Variants in PLXNA4 observed in about 807,000 individuals in gnomAD.
The protein encoded by PLXNA4 is plexin A4, also known as plexin-A4.
Under a neutral mutation model 191.8 loss-of-function variants are expected in PLXNA4, and 44 were observed. That is an observed-to-expected ratio of 0.23 (90% CI 0.18 to 0.29). The LOEUF (loss-of-function observed/expected upper bound fraction) is 0.29. Among genes scored for constraint, PLXNA4 ranks in the 10% least tolerant of loss-of-function variants. The pLI is 1.00. For synonymous variants in PLXNA4, 1,082 were observed against 1,009.5 expected (o/e 1.07, Z -1.36); for missense variants, 1,800 against 2,488.8 (o/e 0.72, Z 5.89).
chr7:132,273,727 T>C (rs572532952), intron 4 of PLXNA4, among the ~76,000 whole-genome samples: 38 of 152,168 alleles, frequency 2.5e-4, no homozygotes, highest in African/African-American at 8.4e-4. Flanking sequence ...ATTTATAAAA[T>C]GGAGAGAACT....
intron 1 of PLXNA4, among the ~76,000 whole-genome samples, chr7:132,562,662 CTCT>C (rs1450406668): frequency 9.0e-6 from 1 of 111,662 alleles, no homozygotes. Flanking sequence ...CCTCCTCCTT[CTCT>C]TCCTCCTCCT....
At chr7:132,511,374 A>T (rs1019198962) in intron 1 of PLXNA4, among the ~76,000 whole-genome samples, 1 of 152,236 alleles carries the variant, frequency 6.6e-6, no homozygotes, top group African/African-American at 2.4e-5. Context: ...GGTTTCAATC[A>T]ATGCAAAATC....
At chr7:132,325,774 G>C (rs1188341378) in intron 3 of PLXNA4, among the ~76,000 whole-genome samples, 3 of 152,182 alleles carry the variant, frequency 2.0e-5, no homozygotes, top group African/African-American at 7.2e-5. Flanking sequence ...CCAGTTTACA[G>C]TGTTTTATTA....
At chr7:132,376,819 G>C (rs1178458879) in intron 3 of PLXNA4, among the ~76,000 whole-genome samples, 1 of 152,166 alleles carries the variant, frequency 6.6e-6, no homozygotes, top group East Asian at 1.9e-4. Context: ...ACTCCTGCCT[G>C]GCCCCACCTG....
chr7:132,576,483 T>G (rs1802244426), upstream of PLXNA4: 3 of 984,886 alleles, frequency 3.0e-6, no homozygotes, highest in Admixed American at 6.2e-5. The surrounding 1 kb of genome is among the most constrained non-coding windows in gnomAD (Gnocchi z 5.8). Flanking sequence ...AGATGGAGCC[T>G]ATGCCGCTGC....
intron 1 of PLXNA4, among the ~76,000 whole-genome samples, chr7:132,647,700 AACACAC>A (rs201569436): frequency 6.6e-6 from 1 of 151,460 alleles, no homozygotes; most frequent in African/African-American, 2.4e-5. Context: ...CACACTCACA[AACACAC>A]ACAGTCACAA....
intron 3 of PLXNA4, among the ~76,000 whole-genome samples, chr7:132,463,376 G>A (rs1415791073): frequency 1.3e-5 from 2 of 152,004 alleles, no homozygotes; most frequent in Non-Finnish European, 2.9e-5. Context: ...TAGAGCACAT[G>A]AGGAAAAAAA....
intron 3 of PLXNA4, among the ~76,000 whole-genome samples, chr7:132,374,977 G>A (rs1804599216): frequency 6.6e-6 from 1 of 152,334 alleles, no homozygotes; most frequent in East Asian, 1.9e-4. Context: ...TGGACAATGT[G>A]CACAAGTCTG....
chr7:132,323,127 T>C (rs1377553465), intron 3 of PLXNA4, among the ~76,000 whole-genome samples: 1 of 152,204 alleles, frequency 6.6e-6, no homozygotes, highest in Non-Finnish European at 1.5e-5. Context: ...CACTGAACTG[T>C]GATCCCCACG....
intron 24 of PLXNA4, among the ~76,000 whole-genome samples, chr7:132,161,239 C>G (rs192796157): frequency 2.6e-5 from 4 of 152,250 alleles, no homozygotes; most frequent in Admixed American, 2.0e-4. Context: ...AGGCTGCCAC[C>G]TAAACGTAAT....
chr7:132,172,569 G>A (rs190300723), intron 21 of PLXNA4, among the ~76,000 whole-genome samples: 3 of 128,922 alleles, frequency 2.3e-5, no homozygotes, highest in East Asian at 4.0e-4. Context: ...CTACTCCAGG[G>A]GCAAGAAGGG....
chr7:132,406,821 G>T (rs558393867), intron 3 of PLXNA4, among the ~76,000 whole-genome samples: 9 of 152,144 alleles, frequency 5.9e-5, no homozygotes, highest in Non-Finnish European at 1.2e-4. Flanking sequence ...GAAGGGCCAA[G>T]TTCAAATCTC....
At chr7:132,262,701 G>A (rs1799693129) in intron 4 of PLXNA4, among the ~76,000 whole-genome samples, 1 of 152,158 alleles carries the variant, frequency 6.6e-6, no homozygotes, top group African/African-American at 2.4e-5. Flanking sequence ...GCACTAAGGA[G>A]AGAGGCACCA....
In PLXNA4 at chr7:132,243,900, C is replaced by CT. The variant is rs61105674; in HGVS notation, c.1504-2735dup. ...CAGGAGTTCAACAGACCTGGGAGAA[C>CT]TTTTTTTTTTTAGTACCTTGATAGT... On this transcript the variant is annotated intron_variant, in intron 4 of 31. Transcript: ENST00000321063. Among the ~76,000 whole-genome samples the CT allele has an allele frequency of 1.6e-3, 237 of 148,594 alleles. 1 individual carries two copies. In the East Asian group the frequency reaches 0.018, roughly 11 times the overall value.
intron 1 of PLXNA4, among the ~76,000 whole-genome samples, chr7:132,544,204 C>G (rs1179347595): frequency 1.3e-5 from 2 of 152,170 alleles, no homozygotes; most frequent in Non-Finnish European, 2.9e-5. Context: ...AGTCATGAGA[C>G]AGCTCAAAGA....
At chr7:132,300,748 C>T (rs1328651065) in intron 3 of PLXNA4, among the ~76,000 whole-genome samples, 1 of 152,246 alleles carries the variant, frequency 6.6e-6, no homozygotes, top group Non-Finnish European at 1.5e-5. Context: ...GGGAGGTGCC[C>T]CTGGAGCAGG....
intron 2 of PLXNA4, among the ~76,000 whole-genome samples, chr7:132,611,961 C>T (rs1803055147): frequency 6.6e-6 from 1 of 152,190 alleles, no homozygotes; most frequent in South Asian, 2.1e-4. Flanking sequence ...TGTGTTCTGC[C>T]ATCTTCAAGG....
At chr7:132,616,941 G>T (rs1803167521) in intron 2 of PLXNA4, among the ~76,000 whole-genome samples, 1 of 152,010 alleles carries the variant, frequency 6.6e-6, no homozygotes, top group African/African-American at 2.4e-5. Context: ...CCAGCAAATG[G>T]GTCCCTTCTG....
intron 1 of PLXNA4, among the ~76,000 whole-genome samples, chr7:132,554,497 G>T (rs879529090): frequency 6.6e-6 from 1 of 152,146 alleles, no homozygotes; most frequent in Non-Finnish European, 1.5e-5. Flanking sequence ...GTCAACCAGT[G>T]GTTCTTTCCT....
Sources: gnomAD v4.1 joint callset for allele counts (sites outside exome capture counted in the v4.1 genomes callset) on GRCh38, gnomAD v4.1.1 for gene constraint, Gnocchi (gnomAD v3.1) non-coding constraint, MANE v1.5 for transcripts, NCBI Gene and HGNC (gene_info 2026-07-23, HGNC 2026-07-21) for gene names.